Variants in ARMH4 observed in about 807,000 individuals in gnomAD.
ARMH4 encodes the protein armadillo-like helical domain-containing protein 4.
Under a neutral mutation model 61.9 loss-of-function variants are expected in ARMH4, and 49 were observed. That is an observed-to-expected ratio of 0.79 (90% CI 0.63 to 1.00). The LOEUF is 1.00. Ranked by LOEUF, ARMH4 falls within the 50% of genes least tolerant of loss-of-function variation. The probability of loss-of-function intolerance (pLI) is 0.00; values close to 1 mark genes in which losing one functional copy is unlikely to be tolerated. For synonymous variants in ARMH4, 368 were observed against 341.5 expected, an observed-to-expected ratio of 1.08 and a Z score of -0.85; for missense variants, 934 against 930.0, an observed-to-expected ratio of 1.00 and a Z score of -0.06.
chr14:58,109,292 C>G (rs1886269236), intron 4 of ARMH4, among the ~76,000 whole-genome samples: 1 of 152,134 alleles, frequency 6.6e-6, no homozygotes. Context: ...TGTTTTTAAA[C>G]CACATAGAAC....
rs2139980293 is a variant in ARMH4, at chr14:58,138,970, T to C, written c.389A>G (p.Gln130Arg). ...ACTTTCAGGAGATATTCTCTCTGGC[T>C]GGCTGGAACCAAATACTTCTTCAGC... ...PSAEEVFGSS[Q>R]PERISPESGL... is the part of the protein sequence containing the mutation. Residue 130 changes from glutamine to arginine, a missense_variant, in exon 2 of 8, where the codon CAG becomes CGG. By Grantham distance (43) the Gln-to-Arg change is conservative (BLOSUM62 1). Coordinates refer to ENST00000267485, the MANE Select transcript of ARMH4 (RefSeq NM_001001872.4). The C allele has an allele frequency of 1.2e-6, 2 of 1,614,256 alleles. No homozygotes were observed. The highest frequency in any genetic ancestry group is 1.7e-6 in the Non-Finnish European group (2 of 1,180,042).
At chr14:58,141,527 G>A (rs949284498) in intron 1 of ARMH4, 35 of 532,042 alleles carry the variant, frequency 6.6e-5, no homozygotes, top group Admixed American at 7.9e-5. Flanking sequence ...CCTTCCCTCC[G>A]CCAGCTCGTC....
At chr14:58,067,834 C>G (rs1884753614) in intron 5 of ARMH4, among the ~76,000 whole-genome samples, 1 of 152,056 alleles carries the variant, frequency 6.6e-6, no homozygotes, top group African/African-American at 2.4e-5. Flanking sequence ...TCATTATCTG[C>G]AAAAATGATC....
At chr14:58,005,273 A>G in intron 6 of ARMH4, 91 bp from the exon 7 acceptor site, 5 of 1,529,450 alleles carry the variant, frequency 3.3e-6, no homozygotes, top group Non-Finnish European at 3.6e-6. Flanking sequence ...AGGTTTTTAG[A>G]CACTTTGAAT....
chr14:58,098,229 T>C (rs2141266066), intron 4 of ARMH4, among the ~76,000 whole-genome samples: 1 of 152,242 alleles, frequency 6.6e-6, no homozygotes, highest in African/African-American at 2.4e-5. Flanking sequence ...CAGAGGCTTT[T>C]TAACTTTTAA....
intron 5 of ARMH4, among the ~76,000 whole-genome samples, chr14:58,024,998 C>G (rs1024644594): frequency 2.0e-5 from 3 of 152,028 alleles, no homozygotes; most frequent in Non-Finnish European, 4.4e-5. Context: ...ATGAAAAAGC[C>G]TGAAATATCA....
intron 5 of ARMH4, among the ~76,000 whole-genome samples, chr14:58,055,925 C>G (rs916573105): frequency 6.6e-6 from 1 of 152,214 alleles, no homozygotes; most frequent in Admixed American, 6.5e-5. Flanking sequence ...GATTCAAAAG[C>G]TCAGCAAACT....
At chr14:58,122,103 G>C (rs888681209) in intron 4 of ARMH4, among the ~76,000 whole-genome samples, 1 of 152,182 alleles carries the variant, frequency 6.6e-6, no homozygotes, top group South Asian at 2.1e-4. Context: ...GCCAATACTC[G>C]TGCCCATTCT....
intron 5 of ARMH4, among the ~76,000 whole-genome samples, chr14:58,024,595 C>G (rs899369198): frequency 2.6e-5 from 4 of 152,254 alleles, no homozygotes; most frequent in African/African-American, 7.2e-5. Flanking sequence ...AAGAACTTTT[C>G]CTTTACATTC....
intron 5 of ARMH4, among the ~76,000 whole-genome samples, chr14:58,084,403 C>T (rs1247826169): frequency 6.6e-6 from 1 of 152,174 alleles, no homozygotes; most frequent in African/African-American, 2.4e-5. Context: ...TCCCCCGTGG[C>T]AGGACTCAGA....
chr14:58,075,654 T>C (rs1294185928), intron 5 of ARMH4, among the ~76,000 whole-genome samples: 1 of 152,090 alleles, frequency 6.6e-6, no homozygotes, highest in Admixed American at 6.5e-5. Flanking sequence ...CTAATGTAGA[T>C]AATGGGTTGA....
intron 5 of ARMH4, among the ~76,000 whole-genome samples, chr14:58,065,102 C>T (rs1884661323): frequency 1.3e-5 from 2 of 152,042 alleles, no homozygotes; most frequent in South Asian, 4.2e-4. Flanking sequence ...ATTAGCCGGG[C>T]GTGTTGGTGG....
Position 58,055,393 on chromosome 14 carries a change from C to T in ARMH4, c.2089+41331G>A, listed in dbSNP as rs1053722357. 1.2e-3 allele frequency among the ~76,000 whole-genome samples: 176 copies of T among 152,180 alleles called. 1 individual carries two copies. The highest frequency in any genetic ancestry group is 3.8e-3 in the African/African-American group (157 of 41,526). On this transcript the variant is annotated intron_variant, in intron 5 of 7. Transcript: ENST00000267485. Reference sequence around the variant, plus strand: ...TAGTTTCAAAGGCTTATGGAGTACACGAAAGTGTGCTAAATTTATAGGAGA... The same window carrying T: ...TAGTTTCAAAGGCTTATGGAGTACATGAAAGTGTGCTAAATTTATAGGAGA...
intron 5 of ARMH4, among the ~76,000 whole-genome samples, chr14:58,025,382 A>G (rs1566545176): frequency 6.6e-6 from 1 of 152,160 alleles, no homozygotes; most frequent in Non-Finnish European, 1.5e-5. Context: ...TGAGTTATAA[A>G]TATAGTCTCT....
chr14:58,096,842 G>A lies in ARMH4; in HGVS notation c.1971C>T (p.Thr657=). 9 of 1,614,062 alleles carry A rather than the reference G, an allele frequency of 5.6e-6. No homozygotes were observed. The highest frequency in any genetic ancestry group is 1.1e-5 in the South Asian group (1 of 91,072). ...LDGDTELPGF[T]LPGITSQEPG... The stretch of plus-strand genomic sequence containing the variant: ...GTTCCTGGGATGTGATACCAGGGAG[G>A]GTAAAACCTGGCAGCTCAGTGTCAC... Residue 657 remains threonine, a synonymous_variant, in exon 5 of 8, where the codon ACC becomes ACT. Coordinates refer to ENST00000267485, the MANE Select transcript of ARMH4 (RefSeq NM_001001872.4).
chr14:58,146,083 T>C (rs920598198), intron 1 of ARMH4, among the ~76,000 whole-genome samples: 2 of 152,228 alleles, frequency 1.3e-5, no homozygotes, highest in African/African-American at 2.4e-5. Context: ...TCTGCAACCA[T>C]ATTTTGAAGG....
intron 5 of ARMH4, among the ~76,000 whole-genome samples, chr14:58,021,786 C>A (rs1431328634): frequency 6.6e-6 from 1 of 152,094 alleles, no homozygotes; most frequent in African/African-American, 2.4e-5. Context: ...ATGAAACAAC[C>A]CAGAAGAGCT....
At chr14:58,096,260 TA>T (rs1804161444) in intron 5 of ARMH4, among the ~76,000 whole-genome samples, 2 of 152,208 alleles carry the variant, frequency 1.3e-5, no homozygotes, top group African/African-American at 4.8e-5. Context: ...CCCTAGGTAA[TA>T]GATTCCCAAA....
chr14:58,094,922 G>T (rs1191207183), intron 5 of ARMH4, among the ~76,000 whole-genome samples: 1 of 152,030 alleles, frequency 6.6e-6, no homozygotes, highest in Non-Finnish European at 1.5e-5. Flanking sequence ...GCTTTCAGTG[G>T]GTGCAATTGT....
Sources: gnomAD v4.1 joint callset for allele counts (sites outside exome capture counted in the v4.1 genomes callset) on GRCh38, gnomAD v4.1.1 for gene constraint, MANE v1.5 for transcripts, NCBI Gene and HGNC (gene_info 2026-07-23, HGNC 2026-07-21) for gene names.